Variants in ERI3 observed in about 807,000 individuals in gnomAD.
The protein encoded by ERI3 is ERI1 exoribonuclease 3.
In ERI3, 18 loss-of-function variants were observed where a neutral mutation model predicts 44.4. That is an observed-to-expected ratio of 0.41 (90% CI 0.28 to 0.60). The LOEUF is 0.60. ERI3 is among the 20% of genes least tolerant of loss of function. The pLI is 0.36. For missense variants in ERI3, 294 were observed against 435.5 expected, an observed-to-expected ratio of 0.68 and a Z score of 2.89; for synonymous variants, 183 against 164.8, an observed-to-expected ratio of 1.11 and a Z score of -0.84.
At chr1:44,315,326 T>A (rs902641417) in intron 4 of ERI3, among the ~76,000 whole-genome samples, 8 of 152,134 alleles carry the variant, frequency 5.3e-5, no homozygotes, top group Admixed American at 4.6e-4. Context: ...CCAAGAGCCC[T>A]CCCTCCCTGG....
intron 6 of ERI3, among the ~76,000 whole-genome samples, chr1:44,298,957 A>G (rs955754678): frequency 1.3e-5 from 2 of 152,184 alleles, no homozygotes; most frequent in South Asian, 2.1e-4. Flanking sequence ...GAAAGCCAAC[A>G]ATAGGTAAAA....
intron 6 of ERI3, among the ~76,000 whole-genome samples, chr1:44,287,190 C>T (rs916754293): frequency 6.6e-6 from 1 of 152,162 alleles, no homozygotes. Flanking sequence ...GAGGAGGTCA[C>T]AAGTAATCTT....
chr1:44,355,179 C>G lies in ERI3; in HGVS notation c.-153G>C. 8.3e-7 allele frequency: 1 copy of G among 1,201,304 alleles called. No individual in the cohort carries two copies. Among genetic ancestry groups the G allele is most frequent in the Non-Finnish European group, 1.0e-6 (1 of 967,852 alleles). The allele number at this position is 1,201,304 out of a possible 1,614,324, so 74.4% of individuals were successfully genotyped here. On this transcript the variant is annotated 5_prime_UTR_variant, in exon 1 of 9. Transcript: ENST00000372257. ...GCCGGCCAGGCAGAGGCAGGGCCAG[C>G]TCCGCCCGCTCCCCACCGCCCGTTC...
chr1:44,227,679 GT>G (rs1476948574), intron 8 of ERI3, among the ~76,000 whole-genome samples: 1 of 152,122 alleles, frequency 6.6e-6, no homozygotes, highest in Non-Finnish European at 1.5e-5. Context: ...GCAGTTTAAG[GT>G]TTAGCATCAA....
intron 2 of ERI3, among the ~76,000 whole-genome samples, chr1:44,352,529 T>C (rs79384075): frequency 6.6e-6 from 1 of 152,344 alleles, no homozygotes; most frequent in East Asian, 1.9e-4. Flanking sequence ...CTCAGGATAA[T>C]GGGCTATTCT....
At chr1:44,264,574 C>T (rs560913539) in intron 7 of ERI3, among the ~76,000 whole-genome samples, 3 of 152,330 alleles carry the variant, frequency 2.0e-5, no homozygotes, top group Non-Finnish European at 2.9e-5. Flanking sequence ...AATGAAGCTC[C>T]GGGTGGGGTC....
At chr1:44,314,258 C>T (rs772494749) in intron 4 of ERI3, among the ~76,000 whole-genome samples, 2 of 152,024 alleles carry the variant, frequency 1.3e-5, no homozygotes, top group Non-Finnish European at 2.9e-5. Flanking sequence ...GTTATTTTCT[C>T]ATGGTGACTT....
At chr1:44,236,094 C>T (rs1264996936) in intron 8 of ERI3, among the ~76,000 whole-genome samples, 2 of 152,160 alleles carry the variant, frequency 1.3e-5, no homozygotes, top group Non-Finnish European at 2.9e-5. Context: ...GGGGACAAGC[C>T]CACTCTATCA....
At chr1:44,316,999 A>G (rs1409622602) in intron 4 of ERI3, among the ~76,000 whole-genome samples, 1 of 152,188 alleles carries the variant, frequency 6.6e-6, no homozygotes, top group African/African-American at 2.4e-5. Flanking sequence ...CACATTCCTA[A>G]TATGAAGCAG....
intron 8 of ERI3, among the ~76,000 whole-genome samples, chr1:44,246,994 G>C (rs1390386290): frequency 6.6e-6 from 1 of 152,134 alleles, no homozygotes; most frequent in Non-Finnish European, 1.5e-5. Flanking sequence ...CAAGGCCTAT[G>C]CTTGGTCAGG....
At chr1:44,353,960 A>G (rs1005670786) in intron 1 of ERI3, 2 of 985,222 alleles carry the variant, frequency 2.0e-6, no homozygotes, top group African/African-American at 1.7e-5. Flanking sequence ...GTGGAGTCAC[A>G]CTCCAAGTCC....
intron 7 of ERI3, among the ~76,000 whole-genome samples, chr1:44,267,100 T>C (rs1645004572): frequency 6.6e-6 from 1 of 152,148 alleles, no homozygotes; most frequent in Admixed American, 6.5e-5. Context: ...ATCTGAGTCA[T>C]CCAAGCTGGT....
At position 44,313,133 on chromosome 1, in the gene ERI3, G is replaced by A. The variant is rs1247829592; in HGVS notation, c.666+36C>T. 4 of 1,593,154 alleles carry A rather than the reference G, an allele frequency of 2.5e-6. No individual in the cohort carries two copies. In the African/African-American group the frequency reaches 4.0e-5, roughly 16 times the overall value. ...GAGGGAGAGAAAGGCAGCAGGAAGGGGTCAGAGGTCAGGAATTAAAGGTCA... is the reference window on the plus strand; with the variant it reads ...GAGGGAGAGAAAGGCAGCAGGAAGGAGTCAGAGGTCAGGAATTAAAGGTCA... On this transcript the variant is annotated intron_variant, in intron 5 of 8. Coordinates refer to ENST00000372257, the MANE Select transcript of ERI3 (RefSeq NM_024066.3).
chr1:44,314,155 G>T (rs979813825), intron 4 of ERI3, among the ~76,000 whole-genome samples: 2 of 149,768 alleles, frequency 1.3e-5, no homozygotes, highest in African/African-American at 2.5e-5. Context: ...AAGTGTGTTG[G>T]GGGGGGGGAG....
chr1:44,233,848 A>T (rs1241761675), intron 8 of ERI3, among the ~76,000 whole-genome samples: 1 of 152,180 alleles, frequency 6.6e-6, no homozygotes, highest in Non-Finnish European at 1.5e-5. Context: ...AGTTGTTTAC[A>T]CTCAAGATCT....
At chr1:44,222,421 G>A (rs1643923121) in intron 8 of ERI3, among the ~76,000 whole-genome samples, 1 of 152,158 alleles carries the variant, frequency 6.6e-6, no homozygotes, top group Admixed American at 6.6e-5. Context: ...CACCTTTTTG[G>A]GCCCTGTTTC....
intron 7 of ERI3, among the ~76,000 whole-genome samples, chr1:44,265,824 C>T (rs888133276): frequency 3.3e-5 from 5 of 152,032 alleles, no homozygotes; most frequent in African/African-American, 4.8e-5. Flanking sequence ...CCAGAATAGG[C>T]AAATTTATAG....
chr1:44,234,996 G>C (rs1644271814), intron 8 of ERI3, among the ~76,000 whole-genome samples: 1 of 152,124 alleles, frequency 6.6e-6, no homozygotes, highest in Admixed American at 6.5e-5. Flanking sequence ...TAACATGAGG[G>C]AAAGCTGGGT....
intron 3 of ERI3, among the ~76,000 whole-genome samples, chr1:44,331,211 T>G (rs1042655629): frequency 7.2e-5 from 11 of 152,158 alleles, no homozygotes; most frequent in Non-Finnish European, 1.5e-4. Context: ...AATCTCAATG[T>G]TAGTCAGCCA....
Sources: gnomAD v4.1 joint callset for allele counts (sites outside exome capture counted in the v4.1 genomes callset) on GRCh38, gnomAD v4.1.1 for gene constraint, MANE v1.5 for transcripts, NCBI Gene and HGNC (gene_info 2026-07-23, HGNC 2026-07-21) for gene names.